The following EEPD1 variants were observed in gnomAD, a reference collection of about 807,000 sequenced individuals.
The protein encoded by EEPD1 is endonuclease/exonuclease/phosphatase family domain containing 1, also known as endonuclease/exonuclease/phosphatase family domain-containing protein 1.
A neutral mutation model predicts 46.3 loss-of-function variants in EEPD1; 17 were observed. The observed-to-expected ratio is 0.37, with a 90% CI of 0.25 to 0.55. EEPD1 has a LOEUF of 0.55. EEPD1 is among the 20% of genes least tolerant of loss of function. The pLI is 0.83. For synonymous variants in EEPD1, 313 were observed against 315.6 expected (o/e 0.99, Z 0.09); for missense variants, 673 against 745.6 (o/e 0.90, Z 1.13).
chr7:36,185,345 C>T (rs1785346814), intron 2 of EEPD1, among the ~76,000 whole-genome samples: 1 of 152,206 alleles, frequency 6.6e-6, no homozygotes, highest in African/African-American at 2.4e-5. Context: ...TCAGTTTCAC[C>T]ATGGTACTCT....
At chr7:36,186,725 G>A (rs1324298800) in intron 2 of EEPD1, among the ~76,000 whole-genome samples, 5 of 152,218 alleles carry the variant, frequency 3.3e-5, no homozygotes, top group African/African-American at 9.6e-5. Flanking sequence ...GTGTACTCAC[G>A]TGGGTGGAGG....
intron 2 of EEPD1, among the ~76,000 whole-genome samples, chr7:36,190,388 C>T (rs951952543): frequency 6.6e-6 from 1 of 152,134 alleles, no homozygotes; most frequent in Non-Finnish European, 1.5e-5. Context: ...ACAAATATAA[C>T]ACATGGTGAG....
At chr7:36,200,810 G>T (rs150843949) in intron 2 of EEPD1, among the ~76,000 whole-genome samples, 2 of 152,146 alleles carry the variant, frequency 1.3e-5, no homozygotes, top group Non-Finnish European at 2.9e-5. Context: ...ATTGCTCCAC[G>T]AGCCCAGCAG....
intron 2 of EEPD1, among the ~76,000 whole-genome samples, chr7:36,170,725 A>T (rs1785064647): frequency 6.6e-6 from 1 of 151,992 alleles, no homozygotes; most frequent in Non-Finnish European, 1.5e-5. Flanking sequence ...TGTTCTTAAG[A>T]TTTCCAGCTA....
At chr7:36,186,084 G>A (rs574749624) in intron 2 of EEPD1, among the ~76,000 whole-genome samples, 16 of 152,026 alleles carry the variant, frequency 1.1e-4, no homozygotes, top group South Asian at 2.1e-4. Context: ...TGGCTTCTTC[G>A]TGGCATTTGT....
At chr7:36,186,357 G>A (rs570458104) in intron 2 of EEPD1, among the ~76,000 whole-genome samples, 3 of 152,180 alleles carry the variant, frequency 2.0e-5, no homozygotes, top group Non-Finnish European at 2.9e-5. Context: ...TTGAGTCAGG[G>A]CCGCTCTTCT....
At chr7:36,197,177 T>A (rs1162836312) in intron 2 of EEPD1, among the ~76,000 whole-genome samples, 2 of 126,956 alleles carry the variant, frequency 1.6e-5, no homozygotes, top group African/African-American at 3.0e-5. Context: ...TCCGCCCGGC[T>A]GCCACCCCGT....
chr7:36,194,510 C>G (rs1409155242), intron 2 of EEPD1, among the ~76,000 whole-genome samples: 1 of 152,170 alleles, frequency 6.6e-6, no homozygotes, highest in Non-Finnish European at 1.5e-5. Flanking sequence ...CCCTTCCTTC[C>G]CAGGCTTGTT....
chr7:36,271,689 C>G (rs1486133329), intron 3 of EEPD1, among the ~76,000 whole-genome samples: 2 of 139,012 alleles, frequency 1.4e-5, no homozygotes, highest in Admixed American at 7.3e-5. Flanking sequence ...TTTGCCCATG[C>G]CTATGTCCTG....
intron 2 of EEPD1, among the ~76,000 whole-genome samples, chr7:36,214,912 A>G (rs1786003702): frequency 6.6e-6 from 1 of 152,096 alleles, no homozygotes; most frequent in Admixed American, 6.5e-5. Context: ...TCATGCAGCC[A>G]CTCGGTATTA....
At chr7:36,174,199 C>T (rs908188674) in intron 2 of EEPD1, among the ~76,000 whole-genome samples, 3 of 152,136 alleles carry the variant, frequency 2.0e-5, no homozygotes, top group Non-Finnish European at 4.4e-5. Context: ...GTCTTGTTCC[C>T]GATTACCCAC....
chr7:36,254,111 T>G (rs1030925255), intron 3 of EEPD1, among the ~76,000 whole-genome samples: 1 of 152,204 alleles, frequency 6.6e-6, no homozygotes, highest in African/African-American at 2.4e-5. Context: ...TTCTTAGTGA[T>G]TGAGCTAGGA....
chr7:36,267,123 C>T (rs1008589656), intron 3 of EEPD1, among the ~76,000 whole-genome samples: 2 of 152,186 alleles, frequency 1.3e-5, no homozygotes, highest in Non-Finnish European at 2.9e-5. Flanking sequence ...CTGCCCACTG[C>T]CATCCTCCCA....
In EEPD1 at chr7:36,287,773, G is replaced by A; in HGVS notation, c.1311G>A (p.Leu437=). Residue 437 remains leucine (L), a synonymous_variant, in exon 6 of 8, where the codon CTG becomes CTA. Coordinates refer to ENST00000242108, the MANE Select transcript of EEPD1 (RefSeq NM_030636.3). ...ASFAQTLQET[L]KGEKDVIILG... is the part of the protein sequence containing the mutation. ...TTGCACAGACCCTACAGGAAACCCT[G>A]AAAGGTAGGACATTGTCTTTTGCTG... The A allele has an allele frequency of 6.2e-7, 1 of 1,613,662 alleles. No homozygotes were observed. The highest frequency in any genetic ancestry group is 1.7e-5 in the Admixed American group (1 of 59,980).
At chr7:36,279,103 C>T (rs1787223033) in intron 3 of EEPD1, among the ~76,000 whole-genome samples, 1 of 149,462 alleles carries the variant, frequency 6.7e-6, no homozygotes, top group South Asian at 2.2e-4. Context: ...TCCCCCGCAT[C>T]CCCGACCCCC....
chr7:36,183,875 G>GTTTTTTTTTTTTTTTTTTTTTTTT (rs35033256), intron 2 of EEPD1, among the ~76,000 whole-genome samples: 8 of 51,956 alleles, frequency 1.5e-4, no homozygotes, highest in Non-Finnish European at 3.8e-4. Flanking sequence ...CCTAGCCCTC[G>GTTTTTTTTTTTTTTTTTTTTTTTT]TTTTTTTTTT....
intron 2 of EEPD1, among the ~76,000 whole-genome samples, chr7:36,164,144 T>C (rs1007392173): frequency 6.6e-6 from 1 of 152,244 alleles, no homozygotes; most frequent in Non-Finnish European, 1.5e-5. Context: ...GGATACTATA[T>C]TTTTTATGAC....
At chr7:36,175,332 G>C (rs1462051249) in intron 2 of EEPD1, among the ~76,000 whole-genome samples, 1 of 152,218 alleles carries the variant, frequency 6.6e-6, no homozygotes, top group East Asian at 1.9e-4. Context: ...CTGGGCTTAA[G>C]TGATCCTCCC....
intron 2 of EEPD1, among the ~76,000 whole-genome samples, chr7:36,155,871 C>T (rs1310102703): frequency 6.6e-6 from 1 of 152,208 alleles, no homozygotes; most frequent in African/African-American, 2.4e-5. Context: ...AGAAAAGAGT[C>T]CAGTAGGATA....
Sources: gnomAD v4.1 joint callset for allele counts (sites outside exome capture counted in the v4.1 genomes callset) on GRCh38, gnomAD v4.1.1 for gene constraint, MANE v1.5 for transcripts, NCBI Gene and HGNC (gene_info 2026-07-23, HGNC 2026-07-21) for gene names.